FAM135B: variants seen among roughly 807,000 people sequenced by gnomAD.
FAM135B encodes the protein family with sequence similarity 135 member B, also known as protein FAM135B.
In FAM135B, 43 loss-of-function variants were observed where a neutral mutation model predicts 127.7. The observed-to-expected ratio is 0.34, with a 90% confidence interval of 0.26 to 0.43. The LOEUF is 0.43. Ranked by LOEUF, FAM135B falls within the 20% of genes least tolerant of loss-of-function variation. The probability of loss-of-function intolerance (pLI) is 1.00; values close to 1 mark genes in which losing one functional copy is unlikely to be tolerated. For synonymous variants in FAM135B, 670 were observed against 665.1 expected, an observed-to-expected ratio of 1.01 and a Z score of -0.11; for missense variants, 1,558 against 1,725.6, an observed-to-expected ratio of 0.90 and a Z score of 1.72.
intron 7 of FAM135B, among the ~76,000 whole-genome samples, chr8:138,229,858 T>C (rs1472206603): frequency 6.6e-6 from 1 of 151,840 alleles, no homozygotes; most frequent in Non-Finnish European, 1.5e-5. Context: ...CCATCAGCTC[T>C]CGTGAGCACT....
intron 11 of FAM135B, 151 bp from the exon 12 acceptor site, chr8:138,168,200 GC>G (rs1563720958): frequency 3.5e-6 from 3 of 862,202 alleles, no homozygotes; most frequent in African/African-American, 1.7e-5. Flanking sequence ...CACCTACTTA[GC>G]CCCCAGAGCC....
intron 9 of FAM135B, among the ~76,000 whole-genome samples, chr8:138,185,301 A>T (rs1815445543): frequency 6.6e-6 from 1 of 152,150 alleles, no homozygotes; most frequent in African/African-American, 2.4e-5. Flanking sequence ...TCCTTCACTC[A>T]TTGTTGGAAG....
intron 13 of FAM135B, 70 bp downstream of exon 13, chr8:138,151,124 T>G: frequency 7.4e-6 from 9 of 1,216,266 alleles, no homozygotes; most frequent in Non-Finnish European, 1.0e-5. Flanking sequence ...ACAGTATGCA[T>G]GAAATGGAGA....
At chr8:138,349,669 G>C (rs7829480) in intron 2 of FAM135B, among the ~76,000 whole-genome samples, 1 of 151,922 alleles carries the variant, frequency 6.6e-6, no homozygotes, top group Non-Finnish European at 1.5e-5. Context: ...GAGTGAATGA[G>C]TGAATGAATG....
chr8:138,176,956 T>C (rs907542794), intron 11 of FAM135B, among the ~76,000 whole-genome samples: 1 of 152,224 alleles, frequency 6.6e-6, no homozygotes, highest in Admixed American at 6.5e-5. Context: ...ACTTAATTCT[T>C]ATGCTGAATG....
intron 1 of FAM135B, among the ~76,000 whole-genome samples, chr8:138,493,347 G>A (rs1815273207): frequency 2.0e-5 from 3 of 151,894 alleles, no homozygotes; most frequent in African/African-American, 4.8e-5. Context: ...TTGGTGGTTG[G>A]GACCATGACC....
At chr8:138,215,803 C>G (rs1413094531) in intron 7 of FAM135B, among the ~76,000 whole-genome samples, 1 of 152,186 alleles carries the variant, frequency 6.6e-6, no homozygotes, top group Non-Finnish European at 1.5e-5. Flanking sequence ...ATGAATGGCT[C>G]AGATCCTACA....
chr8:138,368,217 G>T (rs1042423119), intron 1 of FAM135B, among the ~76,000 whole-genome samples: 1 of 152,198 alleles, frequency 6.6e-6, no homozygotes, highest in African/African-American at 2.4e-5. Flanking sequence ...AGGGCCAGGA[G>T]TTAGACCCAG....
At chr8:138,369,946 T>C (rs1332484196) in intron 1 of FAM135B, among the ~76,000 whole-genome samples, 2 of 152,068 alleles carry the variant, frequency 1.3e-5, no homozygotes, top group African/African-American at 4.8e-5. Flanking sequence ...GGGAGGAGAA[T>C]ATCTAGAAAG....
At chr8:138,409,201 T>C (rs913563321) in intron 1 of FAM135B, among the ~76,000 whole-genome samples, 7 of 152,064 alleles carry the variant, frequency 4.6e-5, no homozygotes. Flanking sequence ...GGTTATTAAT[T>C]GGCCGATTTT....
intron 2 of FAM135B, among the ~76,000 whole-genome samples, chr8:138,354,235 C>A (rs2131137488): frequency 6.6e-6 from 1 of 152,240 alleles, no homozygotes; most frequent in African/African-American, 2.4e-5. Flanking sequence ...ACAATCCCAG[C>A]TCCAGAAGGG....
intron 1 of FAM135B, among the ~76,000 whole-genome samples, chr8:138,383,758 A>C (rs1396605415): frequency 6.6e-6 from 1 of 152,214 alleles, no homozygotes; most frequent in East Asian, 1.9e-4. Flanking sequence ...CTTAAAAGGT[A>C]ATAGACACAT....
rs142075390 is a variant in FAM135B at position 138,385,607 on chromosome 8, T to G, written c.-19-17605A>C. ...AGGTGGATTGCTTGAGGTCAGAAGTTCTAGACCAGCCTGGCCAACATGGTG... is the reference window on the plus strand; with the variant it reads ...AGGTGGATTGCTTGAGGTCAGAAGTGCTAGACCAGCCTGGCCAACATGGTG... On this transcript the variant is annotated intron_variant, in intron 1 of 19. Transcript: ENST00000395297. 1.7e-3 allele frequency among the ~76,000 whole-genome samples: 256 copies of G among 151,934 alleles called. 1 individual carries two copies. The highest frequency in any genetic ancestry group is 5.9e-3 in the African/African-American group (243 of 41,418).
At position 138,132,590 on chromosome 8, in the gene FAM135B, C is replaced by A. The variant is rs1405842512; in HGVS notation, c.*3G>T. The A allele has an allele frequency of 6.2e-7, 1 of 1,613,196 alleles. No individual in the cohort carries two copies. Among genetic ancestry groups the A allele is most frequent in the Non-Finnish European group, 8.5e-7 (1 of 1,179,166 alleles). On this transcript the variant is annotated 3_prime_UTR_variant, in exon 20 of 20. Coordinates refer to ENST00000395297, the MANE Select transcript of FAM135B (RefSeq NM_015912.4). The surrounding 1 kb of genome is among the most constrained non-coding windows in gnomAD (Gnocchi z 4.5). Reference sequence around the variant, plus strand: ...TTACCAAAGACCTGCTCCCTCAAAGCCACTACTTGAAGTAGTTGAGTCCTG... The same window carrying A: ...TTACCAAAGACCTGCTCCCTCAAAGACACTACTTGAAGTAGTTGAGTCCTG...
chr8:138,210,193 C>T (rs137862164), intron 7 of FAM135B, among the ~76,000 whole-genome samples: 145 of 152,248 alleles, frequency 9.5e-4, no homozygotes, highest in African/African-American at 3.2e-3. Flanking sequence ...AAAGTTACAG[C>T]GGTTCACTAT....
At chr8:138,352,155 A>G (rs1829823591) in intron 2 of FAM135B, among the ~76,000 whole-genome samples, 1 of 152,174 alleles carries the variant, frequency 6.6e-6, no homozygotes, top group South Asian at 2.1e-4. Flanking sequence ...CAGTGTTTAA[A>G]CCCATGAAAC....
At chr8:138,232,555 A>G (rs16908658) in intron 7 of FAM135B, among the ~76,000 whole-genome samples, 24,196 of 152,184 alleles carry the variant, frequency 0.16, 2,255 homozygotes, top group East Asian at 0.23. Context: ...TGTGTATGGT[A>G]TGGCAACTTG....
chr8:138,435,244 C>G (rs1355306282), intron 1 of FAM135B, among the ~76,000 whole-genome samples: 3 of 151,964 alleles, frequency 2.0e-5, no homozygotes, highest in Admixed American at 6.6e-5. Context: ...TTGCAGTGAG[C>G]CAAGATAGCT....
chr8:138,344,669 A>G (rs1479505819), intron 2 of FAM135B, among the ~76,000 whole-genome samples: 1 of 140,192 alleles, frequency 7.1e-6, no homozygotes, highest in Non-Finnish European at 1.5e-5. Context: ...TCCGCCTCCC[A>G]GGTTCATGAC....
Sources: allele counts gnomAD v4.1 joint callset (sites outside exome capture counted in the v4.1 genomes callset), GRCh38; gene constraint gnomAD v4.1.1; non-coding constraint Gnocchi (gnomAD v3.1); transcripts MANE v1.5; gene names NCBI Gene and HGNC (gene_info 2026-07-23, HGNC 2026-07-21).